The following HDHD5 variants were observed in gnomAD, a reference collection of about 807,000 sequenced individuals.
HDHD5 encodes haloacid dehalogenase-like hydrolase domain-containing 5.
Under a neutral mutation model 35.5 loss-of-function variants are expected in HDHD5, and 34 were observed. That is an observed-to-expected ratio of 0.96 (90% CI 0.73 to 1.28). HDHD5 has a LOEUF of 1.28. Ranked by LOEUF, HDHD5 falls within the 50% of genes most tolerant of loss-of-function variation. The pLI is 0.00. For synonymous variants in HDHD5, 248 were observed against 240.6 expected (o/e 1.03, Z -0.29); for missense variants, 589 against 560.2 (o/e 1.05, Z -0.52).
chr22:17,159,224 G>T lies in HDHD5; in HGVS notation c.28C>A (p.Leu10Ile). The change falls in exon 1 of 8, where the codon CTC becomes ATC. Residue 10 changes from leucine (L) to isoleucine (I), a missense_variant. Transcript: ENST00000336737. MAAWGCVAA[L>I]GAARGLCWRA... ...CAGCAAAGCCCACGCGCCGCGCCGA[G>T]CGCAGCCACACAGCCCCACGCAGCC... 8.3e-7 allele frequency: 1 copy of T among 1,200,620 alleles called. No individual in the cohort carries two copies. Among genetic ancestry groups the T allele is most frequent in the Non-Finnish European group, 1.0e-6 (1 of 969,216 alleles). 74.4% of individuals were successfully genotyped at this position (1,200,620 alleles called of 1,614,324 possible).
intron 1 of HDHD5, chr22:17,165,081 TG>T: frequency 1.5e-6 from 1 of 687,850 alleles, no homozygotes; most frequent in South Asian, 1.5e-5. Flanking sequence ...GGGAGAATTC[TG>T]AGAAGGTGGA....
chr22:17,147,646 C>T (rs572407512), intron 3 of HDHD5, among the ~76,000 whole-genome samples: 2 of 147,882 alleles, frequency 1.4e-5, no homozygotes, highest in Admixed American at 7.0e-5. Context: ...CCATCGCACA[C>T]GCCCCACACC....
intron 6 of HDHD5, among the ~76,000 whole-genome samples, chr22:17,140,691 T>C (rs2061589758): frequency 6.6e-6 from 1 of 152,020 alleles, no homozygotes; most frequent in Non-Finnish European, 1.5e-5. Context: ...TGCTACAGGA[T>C]GGAGCCAAGG....
chr22:17,165,012 C>G (rs538204479), intron 1 of HDHD5, among the ~76,000 whole-genome samples: 2 of 152,312 alleles, frequency 1.3e-5, no homozygotes, highest in Admixed American at 6.5e-5. Context: ...CACTGTCTCT[C>G]TCTCTTTCTA....
At chr22:17,144,164 G>A (rs1217234590) in intron 4 of HDHD5, among the ~76,000 whole-genome samples, 5 of 152,222 alleles carry the variant, frequency 3.3e-5, no homozygotes, top group Non-Finnish European at 7.3e-5. Context: ...ACTCCTTGTT[G>A]GACGGGATGC....
intron 1 of HDHD5, among the ~76,000 whole-genome samples, chr22:17,152,515 G>C (rs1297664243): frequency 6.6e-6 from 1 of 152,116 alleles, no homozygotes; most frequent in African/African-American, 2.4e-5. Flanking sequence ...ATGAGTCACT[G>C]AACCAAAGGG....
chr22:17,153,488 G>T (rs2061751550), intron 1 of HDHD5, among the ~76,000 whole-genome samples: 1 of 152,102 alleles, frequency 6.6e-6, no homozygotes, highest in Non-Finnish European at 1.5e-5. Context: ...ATACACTCAT[G>T]TACCCTCAAG....
chr22:17,138,456 G>T, intron 7 of HDHD5, 94 bp downstream of exon 7: 1 of 1,541,474 alleles, frequency 6.5e-7, no homozygotes. Flanking sequence ...GGGCAGAAGA[G>T]TGAATTAGAT....
intron 4 of HDHD5, chr22:17,143,416 A>G (rs2061621620): frequency 2.7e-5 from 10 of 368,806 alleles, no homozygotes; most frequent in Non-Finnish European, 4.4e-5. Context: ...AGGACACAAG[A>G]TATAGCCAAG....
In HDHD5 at chr22:17,139,434, A is replaced by G. The variant is rs556029310; in HGVS notation, c.747-696T>C. On this transcript the variant is annotated intron_variant, in intron 6 of 7. Transcript: ENST00000336737. ...TCCCAGCTACTTGGGGGGCTGAGGC[A>G]GGAGAATCACTTGAACCCGGGAGGC... 2.0e-3 allele frequency among the ~76,000 whole-genome samples: 298 copies of G among 151,628 alleles called. 2 individuals are homozygous for G. Among genetic ancestry groups the G allele is most frequent in the African/African-American group, 6.9e-3 (287 of 41,414 alleles).
intron 3 of HDHD5, among the ~76,000 whole-genome samples, chr22:17,147,638 A>C (rs535667365): frequency 2.8e-3 from 404 of 142,934 alleles, no homozygotes; most frequent in Non-Finnish European, 5.2e-3. Flanking sequence ...ATCACACGCC[A>C]TCGCACACGC....
chr22:17,160,787 G>A (rs529384191), upstream of HDHD5, among the ~76,000 whole-genome samples: 9 of 152,264 alleles, frequency 5.9e-5, no homozygotes, highest in South Asian at 1.9e-3. Flanking sequence ...ATTCAAGTCA[G>A]TCAAACTCAC....
upstream of HDHD5, chr22:17,159,545 GA>G (rs751024572): frequency 2.2e-6 from 1 of 453,120 alleles, no homozygotes; most frequent in Non-Finnish European, 4.4e-6. Flanking sequence ...TGTGCCTGCG[GA>G]TCCCGGTAAC....
upstream of HDHD5, among the ~76,000 whole-genome samples, chr22:17,163,043 T>G (rs561307225): frequency 6.6e-6 from 1 of 152,356 alleles, no homozygotes; most frequent in African/African-American, 2.4e-5. Flanking sequence ...CTCTGCTCAC[T>G]TGATTGAATT....
intron 4 of HDHD5, among the ~76,000 whole-genome samples, chr22:17,144,438 G>A (rs2061635099): frequency 6.7e-6 from 1 of 149,674 alleles, no homozygotes; most frequent in Non-Finnish European, 1.5e-5. Context: ...TTTTGAGACG[G>A]AGTCTCGCTC....
chr22:17,163,813 A>T (rs1458279326), upstream of HDHD5, among the ~76,000 whole-genome samples: 2 of 152,214 alleles, frequency 1.3e-5, no homozygotes, highest in African/African-American at 4.8e-5. Flanking sequence ...TCACACGTGT[A>T]CAAGCTCGAT....
At chr22:17,138,384 G>C (rs2061559424) in intron 7 of HDHD5, 27 bp from the exon 8 acceptor site, 2 of 1,587,752 alleles carry the variant, frequency 1.3e-6, no homozygotes, top group South Asian at 2.3e-5. Context: ...CACCGGAAAA[G>C]GAAAAAGGAG....
At chr22:17,140,674 G>C (rs1211346331) in intron 6 of HDHD5, among the ~76,000 whole-genome samples, 1 of 152,162 alleles carries the variant, frequency 6.6e-6, no homozygotes, top group Non-Finnish European at 1.5e-5. Context: ...GAAAGTCAAA[G>C]AACCAATGCT....
rs1389271607 is a variant in HDHD5 at position 17,149,700 on chromosome 22, C to A, written c.172G>T (p.Val58Leu). 1 of 1,613,954 alleles carries A rather than the reference C, an allele frequency of 6.2e-7. No homozygotes were observed. Among genetic ancestry groups the A allele is most frequent in the African/African-American group, 1.3e-5 (1 of 74,906 alleles). Residue 58 changes from valine (V) to leucine (L), a missense_variant, in exon 2 of 8, where the codon GTG becomes TTG. By Grantham distance (32) the Val-to-Leu change is conservative (BLOSUM62 1). Coordinates refer to ENST00000336737, the MANE Select transcript of HDHD5 (RefSeq NM_033070.3). ...GCAGGGATCACTCTGTGGCCCCGCA[C>A]AAGCACTCCATCGATGTCCAACAGG... Reference protein sequence around the residue: ...GFLLDIDGVLVRGHRVIPAAL... With the variant: ...GFLLDIDGVLLRGHRVIPAAL...
Sources: gnomAD v4.1 joint callset for allele counts (sites outside exome capture counted in the v4.1 genomes callset) on GRCh38, gnomAD v4.1.1 for gene constraint, MANE v1.5 for transcripts, NCBI Gene and HGNC (gene_info 2026-07-23, HGNC 2026-07-21) for gene names.